ORC5: variants seen among roughly 807,000 people sequenced by gnomAD.
The protein encoded by ORC5 is origin recognition complex subunit 5, also known as protein phosphatase 1, regulatory subunit 117.
Under a neutral mutation model 58.8 loss-of-function variants are expected in ORC5, and 39 were observed. The observed-to-expected ratio is 0.66, with a 90% CI of 0.51 to 0.87. ORC5 has a LOEUF of 0.87. Ranked by LOEUF, ORC5 falls within the 40% of genes least tolerant of loss-of-function variation. The pLI, the probability that ORC5 is intolerant of heterozygous loss-of-function variation, is 0.00. For missense variants in ORC5, 493 were observed against 506.3 expected (o/e 0.97, Z 0.25); for synonymous variants, 218 against 177.6 (o/e 1.23, Z -1.81).
intron 8 of ORC5, among the ~76,000 whole-genome samples, chr7:104,170,050 A>G (rs80159366): frequency 0.019 from 2,906 of 152,246 alleles, 83 homozygotes; most frequent in African/African-American, 0.066. Flanking sequence ...GTTTTTCTCT[A>G]GCCTTGATAG....
At chr7:104,150,409 G>A (rs1798825085) in intron 12 of ORC5, among the ~76,000 whole-genome samples, 2 of 152,012 alleles carry the variant, frequency 1.3e-5, no homozygotes, top group African/African-American at 4.8e-5. Context: ...AGACTTGACG[G>A]TTCATGGCAT....
At chr7:104,141,772 GAATT>G (rs1245181686) in intron 12 of ORC5, among the ~76,000 whole-genome samples, 1 of 152,032 alleles carries the variant, frequency 6.6e-6, no homozygotes, top group Non-Finnish European at 1.5e-5. Flanking sequence ...TCAAGAAGGT[GAATT>G]ATTTATACAC....
At chr7:104,150,503 C>T (rs1462252979) in intron 12 of ORC5, among the ~76,000 whole-genome samples, 1 of 149,226 alleles carries the variant, frequency 6.7e-6, no homozygotes, top group African/African-American at 2.5e-5. Flanking sequence ...CAAATATCAT[C>T]AAAGCAGTTC....
rs1022655322 is a variant in ORC5 at position 104,195,264 on chromosome 7, G to GA, written c.442-11dup. The GA allele has an allele frequency of 1.4e-6, 2 of 1,474,346 alleles. No homozygotes were observed. Among genetic ancestry groups the GA allele is most frequent in the African/African-American group, 2.9e-5 (2 of 68,556 alleles). The allele number at this position is 1,474,346 out of a possible 1,614,324, so 91.3% of individuals were successfully genotyped here. On this transcript the variant is annotated splice_polypyrimidine_tract_variant and intron_variant, in intron 4 of 13. Transcript: ENST00000297431. Reference sequence around the variant, plus strand: ...TCACATTTCTGTCAGCCTGTAAAAAGAAAGAAATAAAAGTAACTTCGCATT... The same window carrying GA: ...TCACATTTCTGTCAGCCTGTAAAAAGAAAAGAAATAAAAGTAACTTCGCATT...
At chr7:104,168,174 T>C (rs1799139377) in intron 9 of ORC5, 1 of 673,110 alleles carries the variant, frequency 1.5e-6, no homozygotes, top group Non-Finnish European at 2.0e-6. Flanking sequence ...GAGATAAAAC[T>C]GTCACATAAT....
chr7:104,171,566 T>A (rs533541764), intron 8 of ORC5, among the ~76,000 whole-genome samples: 1 of 152,194 alleles, frequency 6.6e-6, no homozygotes, highest in East Asian at 1.9e-4. Flanking sequence ...CTTTCCATTC[T>A]TTTCCTTCAT....
intron 12 of ORC5, among the ~76,000 whole-genome samples, chr7:104,151,299 G>A (rs1021457795): frequency 2.6e-5 from 4 of 152,156 alleles, no homozygotes; most frequent in African/African-American, 9.7e-5. Context: ...AGTGCCTAGT[G>A]ACAAGGAGAC....
chr7:104,193,477 T>A (rs1352566638), intron 5 of ORC5, among the ~76,000 whole-genome samples: 1 of 152,058 alleles, frequency 6.6e-6, no homozygotes, highest in Non-Finnish European at 1.5e-5. Context: ...GTAGTCTGCA[T>A]GAGGTAAAGA....
chr7:104,168,269 G>T, intron 9 of ORC5: 2 of 1,141,660 alleles, frequency 1.8e-6, no homozygotes, highest in Middle Eastern at 3.2e-4. Flanking sequence ...ATAGAAAGCT[G>T]GTATTCAAAC....
At chr7:104,198,504 T>C (rs892064713) in intron 3 of ORC5, among the ~76,000 whole-genome samples, 1 of 152,156 alleles carries the variant, frequency 6.6e-6, no homozygotes, top group African/African-American at 2.4e-5. Flanking sequence ...GAAAGATGAT[T>C]TAGGGTATCT....
chr7:104,128,349 C>T (rs1027791853), intron 13 of ORC5, among the ~76,000 whole-genome samples: 2 of 152,172 alleles, frequency 1.3e-5, no homozygotes, highest in African/African-American at 4.8e-5. Context: ...TCTCGAACTC[C>T]TGACCTCAGG....
chr7:104,164,095 T>C (rs1223138062), intron 11 of ORC5, among the ~76,000 whole-genome samples: 2 of 152,192 alleles, frequency 1.3e-5, no homozygotes, highest in African/African-American at 4.8e-5. Flanking sequence ...TTTTGTCCTT[T>C]TCTTATTGGT....
chr7:104,165,281 T>C lies in ORC5; in HGVS notation c.992A>G (p.His331Arg), dbSNP rs185911908. The C allele has an allele frequency of 9.3e-5, 142 of 1,528,144 alleles. 1 individual carries two copies. The East Asian group carries it at 3.2e-3, about 34-fold the overall frequency. 94.7% of individuals were successfully genotyped at this position (1,528,144 alleles called of 1,614,324 possible). The change falls in exon 11 of 14, where the codon CAT (histidine) becomes CGT (arginine). Residue 331 changes from histidine to arginine, a missense_variant and splice_region_variant. Physicochemically the swap from His to Arg is conservative, Grantham distance 29. Transcript: ENST00000297431. ...ARTDKRFFLK[H>R]HGKIKKTNFL... ...GTTGGTTTTCTTGATTTTTCCATGATGCTGCAATTAAGGAAAACAAATTTT... is the reference window on the plus strand; with the variant it reads ...GTTGGTTTTCTTGATTTTTCCATGACGCTGCAATTAAGGAAAACAAATTTT...
intron 2 of ORC5, chr7:104,202,566 T>A (rs138495426): frequency 2.2e-6 from 1 of 456,186 alleles, no homozygotes; most frequent in Non-Finnish European, 4.4e-6. Flanking sequence ...GTAGTAACAA[T>A]AATCATATAT....
At chr7:104,186,416 T>C (rs1343312445) in intron 6 of ORC5, among the ~76,000 whole-genome samples, 1 of 152,152 alleles carries the variant, frequency 6.6e-6, no homozygotes, top group East Asian at 1.9e-4. Flanking sequence ...GGCAACTGTA[T>C]TGATTTTCTC....
rs544939765 is a variant in ORC5, at chr7:104,191,760, T to A, written c.554-3379A>T. Reference sequence around the variant, plus strand: ...CTATAATAGAAAGCTGAAAACAGTGTATCATGAGGTAGTAAACAAAGGGTA... The same window carrying A: ...CTATAATAGAAAGCTGAAAACAGTGAATCATGAGGTAGTAAACAAAGGGTA... On this transcript the variant is annotated intron_variant, in intron 5 of 13. Coordinates refer to ENST00000297431, the MANE Select transcript of ORC5 (RefSeq NM_002553.4). Among the ~76,000 whole-genome samples the A allele has an allele frequency of 2.0e-5, 3 of 151,996 alleles. No homozygotes were observed. In the East Asian group the frequency reaches 5.8e-4, roughly 29 times the overall value.
intron 12 of ORC5, among the ~76,000 whole-genome samples, chr7:104,140,056 G>C (rs1481150880): frequency 6.6e-6 from 1 of 152,018 alleles, no homozygotes; most frequent in Non-Finnish European, 1.5e-5. Flanking sequence ...TTAGCTTACA[G>C]TGTATTTTTT....
intron 8 of ORC5, among the ~76,000 whole-genome samples, chr7:104,183,496 GACAA>G (rs1379417267): frequency 1.3e-5 from 2 of 152,144 alleles, no homozygotes; most frequent in Non-Finnish European, 2.9e-5. Context: ...TAAAAATCCT[GACAA>G]ACAGAGCCAA....
chr7:104,162,772 ACAGAT>A (rs1245863271), intron 11 of ORC5, among the ~76,000 whole-genome samples: 3 of 152,202 alleles, frequency 2.0e-5, no homozygotes, highest in Non-Finnish European at 4.4e-5. Flanking sequence ...AGATCACATT[ACAGAT>A]AAGTTGAAGC....
Sources: allele counts gnomAD v4.1 joint callset (sites outside exome capture counted in the v4.1 genomes callset), GRCh38; gene constraint gnomAD v4.1.1; transcripts MANE v1.5; gene names NCBI Gene and HGNC (gene_info 2026-07-23, HGNC 2026-07-21).